GRM7: variants seen among roughly 807,000 people sequenced by gnomAD.
GRM7 encodes the protein glutamate metabotropic receptor 7.
A neutral mutation model predicts 84.5 loss-of-function variants in GRM7; 35 were observed. That is an observed-to-expected ratio of 0.41 (90% CI 0.32 to 0.55). The LOEUF (loss-of-function observed/expected upper bound fraction) is 0.55. GRM7 is among the 20% of genes least tolerant of loss of function. The probability of loss-of-function intolerance (pLI) is 0.19; values close to 1 mark genes in which losing one functional copy is unlikely to be tolerated. For missense variants in GRM7, 1,003 were observed against 1,194.6 expected (o/e 0.84, Z 2.36); for synonymous variants, 487 against 455.1 (o/e 1.07, Z -0.89).
At chr3:7,720,369 C>T (rs1701903591) in intron 9 of GRM7, among the ~76,000 whole-genome samples, 1 of 152,102 alleles carries the variant, frequency 6.6e-6, no homozygotes, top group African/African-American at 2.4e-5. Flanking sequence ...GTAAAATTGG[C>T]CTGTGATTAC....
At chr3:7,508,705 G>T (rs1037274314) in intron 7 of GRM7, among the ~76,000 whole-genome samples, 22 of 152,126 alleles carry the variant, frequency 1.4e-4, no homozygotes, top group Non-Finnish European at 2.9e-4. Flanking sequence ...GGCATTTCCT[G>T]CAAGAAAATT....
chr3:7,503,373 A>C (rs978226954), intron 7 of GRM7, among the ~76,000 whole-genome samples: 3 of 151,580 alleles, frequency 2.0e-5, no homozygotes, highest in Non-Finnish European at 3.0e-5. Context: ...CCAAGAGAAT[A>C]AAATGTGCAC....
chr3:6,907,370 C>T (rs975975414), intron 1 of GRM7, among the ~76,000 whole-genome samples: 1 of 152,058 alleles, frequency 6.6e-6, no homozygotes. Context: ...GAAAAAGTAC[C>T]GTGGAGACGT....
chr3:7,467,060 T>G (rs2124916724), intron 7 of GRM7, among the ~76,000 whole-genome samples: 1 of 152,308 alleles, frequency 6.6e-6, no homozygotes, highest in East Asian at 1.9e-4. Context: ...CATTAGTCCC[T>G]CTTCCTCCTT....
intron 4 of GRM7, among the ~76,000 whole-genome samples, chr3:7,409,572 GTGTTTGTTTT>G (rs1212108384): frequency 8.5e-5 from 11 of 129,836 alleles, no homozygotes; most frequent in African/African-American, 3.2e-4. Context: ...TCTCTGTTTT[GTGTTTGTTTT>G]GTTTTGTTTT....
intron 7 of GRM7, among the ~76,000 whole-genome samples, chr3:7,575,064 A>G (rs184645394): frequency 3.3e-5 from 5 of 152,080 alleles, no homozygotes; most frequent in African/African-American, 1.2e-4. Flanking sequence ...CCAGAACTGC[A>G]TAATTTGCTC....
intron 2 of GRM7, among the ~76,000 whole-genome samples, chr3:7,162,747 T>TGAGA (rs1694669344): frequency 2.9e-5 from 1 of 34,904 alleles, no homozygotes; most frequent in African/African-American, 1.3e-4. Context: ...TTTTTTTTTT[T>TGAGA]TTTTTTTTTT....
At chr3:7,441,382 G>A (rs1247602001) in intron 5 of GRM7, among the ~76,000 whole-genome samples, 1 of 151,870 alleles carries the variant, frequency 6.6e-6, no homozygotes, top group African/African-American at 2.4e-5. Context: ...TATAGATTCT[G>A]GATATTAGAC....
intron 1 of GRM7, among the ~76,000 whole-genome samples, chr3:6,923,861 T>C (rs1478252187): frequency 1.3e-5 from 2 of 152,228 alleles, no homozygotes; most frequent in African/African-American, 4.8e-5. Flanking sequence ...ATCATGTCTT[T>C]GAGTGAAGGA....
intron 7 of GRM7, among the ~76,000 whole-genome samples, chr3:7,471,040 C>G (rs1359376695): frequency 6.6e-6 from 1 of 151,286 alleles, no homozygotes; most frequent in South Asian, 2.1e-4. Flanking sequence ...ATTCCTGAAC[C>G]GCAATTCCCT....
At chr3:7,140,518 G>C (rs997280544) in intron 1 of GRM7, among the ~76,000 whole-genome samples, 2 of 151,962 alleles carry the variant, frequency 1.3e-5, no homozygotes, top group Non-Finnish European at 2.9e-5. Context: ...CTTCAAAGTG[G>C]TTCTTGATCT....
chr3:7,362,643 T>C (rs2125106837), intron 4 of GRM7, among the ~76,000 whole-genome samples: 1 of 152,218 alleles, frequency 6.6e-6, no homozygotes, highest in East Asian at 1.9e-4. Flanking sequence ...AGCTGTACGA[T>C]TCATTAAAAA....
At chr3:7,647,614 C>T (rs1053753533) in intron 8 of GRM7, among the ~76,000 whole-genome samples, 2 of 152,146 alleles carry the variant, frequency 1.3e-5, no homozygotes, top group African/African-American at 4.8e-5. Context: ...AAAAAAATCA[C>T]TCTGAATTAT....
At chr3:7,585,239 T>C (rs1484466225) in intron 8 of GRM7, among the ~76,000 whole-genome samples, 1 of 152,212 alleles carries the variant, frequency 6.6e-6, no homozygotes, top group Admixed American at 6.5e-5. Flanking sequence ...CCTATGAAAC[T>C]ATTTCCTTTC....
At chr3:7,494,725 TG>T (rs2124955450) in intron 7 of GRM7, among the ~76,000 whole-genome samples, 1 of 152,218 alleles carries the variant, frequency 6.6e-6, no homozygotes, top group East Asian at 1.9e-4. Flanking sequence ...TCTATACTCT[TG>T]AGCCCATCCA....
chr3:7,592,562 C>T (rs919727228), intron 8 of GRM7, among the ~76,000 whole-genome samples: 3 of 152,086 alleles, frequency 2.0e-5, no homozygotes, highest in Non-Finnish European at 4.4e-5. Flanking sequence ...TCAGACTGGA[C>T]GACATGCAGA....
chr3:7,240,120 GT>G lies in GRM7; in HGVS notation c.737-58540del, dbSNP rs397988598. 1.6e-3 allele frequency among the ~76,000 whole-genome samples: 86 copies of G among 52,718 alleles called. 2 individuals are homozygous for G. The highest frequency in any genetic ancestry group is 2.9e-3 in the African/African-American group (42 of 14,268). The allele number at this position is 52,718 out of a possible 152,430, so 34.6% of individuals were successfully genotyped here. On this transcript the variant is annotated intron_variant, in intron 2 of 9. Coordinates refer to ENST00000357716, the MANE Select transcript of GRM7 (RefSeq NM_000844.4). ...TACCAGTAATCTTTTAGCATGTGAG[GT>G]TTTTTTTTTTTTTTTTTTTTTTTCC...
At chr3:7,423,831 G>C (rs1467534696) in intron 5 of GRM7, among the ~76,000 whole-genome samples, 1 of 152,070 alleles carries the variant, frequency 6.6e-6, no homozygotes, top group African/African-American at 2.4e-5. Flanking sequence ...CTGTGAAGAG[G>C]AGATCCAGGT....
intron 7 of GRM7, among the ~76,000 whole-genome samples, chr3:7,536,548 T>G (rs1701251349): frequency 6.6e-6 from 1 of 152,222 alleles, no homozygotes; most frequent in Non-Finnish European, 1.5e-5. Context: ...GATTGGTCTG[T>G]GCAACCAACA....
Sources: allele counts gnomAD v4.1 joint callset (sites outside exome capture counted in the v4.1 genomes callset), GRCh38; gene constraint gnomAD v4.1.1; transcripts MANE v1.5; gene names NCBI Gene and HGNC (gene_info 2026-07-23, HGNC 2026-07-21).